The following PRKCH variants were observed in gnomAD, a reference collection of about 807,000 sequenced individuals.
The protein encoded by PRKCH is protein kinase C eta type.
Under a neutral mutation model 82.5 loss-of-function variants are expected in PRKCH, and 28 were observed. That is an observed-to-expected ratio of 0.34 (90% CI 0.25 to 0.47). The LOEUF (loss-of-function observed/expected upper bound fraction) is 0.47. Ranked by LOEUF, PRKCH falls within the 20% of genes least tolerant of loss-of-function variation. The pLI, the probability that PRKCH is intolerant of heterozygous loss-of-function variation, is 1.00. For missense variants in PRKCH, 705 were observed against 881.8 expected (o/e 0.80, Z 2.54); for synonymous variants, 322 against 327.4 (o/e 0.98, Z 0.18).
At chr14:61,413,179 C>T (rs1025188029) in intron 2 of PRKCH, among the ~76,000 whole-genome samples, 1 of 152,168 alleles carries the variant, frequency 6.6e-6, no homozygotes, top group Non-Finnish European at 1.5e-5. Context: ...GCTCCTGCTT[C>T]GCTCTTGCCC....
At chr14:61,229,969 A>T (rs2044728348) in intron 1 of PRKCH, among the ~76,000 whole-genome samples, 1 of 152,148 alleles carries the variant, frequency 6.6e-6, no homozygotes, top group African/African-American at 2.4e-5. Flanking sequence ...GTGGGATTTT[A>T]TTTTTGTAAG....
In PRKCH at chr14:61,321,989, C is replaced by T; in HGVS notation, c.-113C>T. On this transcript the variant is annotated 5_prime_UTR_variant, in exon 1 of 14. Coordinates refer to ENST00000332981, the MANE Select transcript of PRKCH (RefSeq NM_006255.5). This position sits in a 1 kb window ranked among gnomAD's most constrained non-coding sequence, Gnocchi z 4.1. ...GAGGGGCGCTTAGGCGCTGCCTTTC[C>T]CCAGGGCTGCCTCGACTCCTGCACC... 1 of 1,226,444 alleles carries T rather than the reference C, an allele frequency of 8.2e-7. No homozygotes were observed. The highest frequency in any genetic ancestry group is 1.6e-5 in the South Asian group (1 of 62,920). The allele number at this position is 1,226,444 out of a possible 1,614,324, so 76.0% of individuals were successfully genotyped here. A position where few individuals can be genotyped will look rare whatever the true frequency, so the allele number is the denominator to read the frequency against.
chr14:61,313,147 C>G (rs890867616), intron 1 of PRKCH, among the ~76,000 whole-genome samples: 1 of 152,062 alleles, frequency 6.6e-6, no homozygotes, highest in Non-Finnish European at 1.5e-5. Context: ...GCCATCAAGA[C>G]CTAGAGAAAA....
intron 1 of PRKCH, among the ~76,000 whole-genome samples, chr14:61,215,604 T>C (rs143749475): frequency 6.6e-6 from 1 of 152,220 alleles, no homozygotes; most frequent in Admixed American, 6.5e-5. Context: ...TCAATAAATA[T>C]TTATATTTAT....
At chr14:61,196,138 G>A (rs6573365) in intron 1 of PRKCH, among the ~76,000 whole-genome samples, 6,831 of 152,248 alleles carry the variant, frequency 0.045, 535 homozygotes, top group African/African-American at 0.15. Flanking sequence ...ATTAAAAAAA[G>A]ATGCTAAAGC....
chr14:61,493,353 C>T (rs1439249442), intron 10 of PRKCH, among the ~76,000 whole-genome samples: 2 of 152,192 alleles, frequency 1.3e-5, no homozygotes, highest in African/African-American at 4.8e-5. Context: ...TAGGAATCAT[C>T]TCTCTATTCC....
At chr14:61,304,169 T>C (rs2045467472) in intron 1 of PRKCH, 1 of 148,752 alleles carries the variant, frequency 6.7e-6, no homozygotes, top group Non-Finnish European at 1.5e-5. Context: ...TGTCCTTTTT[T>C]TCTTTCTCCA....
At chr14:61,349,352 G>C (rs545271571) in intron 1 of PRKCH, among the ~76,000 whole-genome samples, 4 of 152,186 alleles carry the variant, frequency 2.6e-5, no homozygotes, top group East Asian at 1.9e-4. Flanking sequence ...TCTTCCATCA[G>C]TCCTGTTGAG....
intron 2 of PRKCH, among the ~76,000 whole-genome samples, chr14:61,413,491 G>A (rs1243448328): frequency 1.4e-5 from 2 of 142,646 alleles, no homozygotes; most frequent in African/African-American, 2.6e-5. Flanking sequence ...TGCATCAGGT[G>A]TGAGTGACTT....
At chr14:61,365,537 A>G (rs2046287470) in intron 1 of PRKCH, among the ~76,000 whole-genome samples, 1 of 152,110 alleles carries the variant, frequency 6.6e-6, no homozygotes, top group Non-Finnish European at 1.5e-5. Flanking sequence ...AGAATGGATT[A>G]TTAGCAAGAA....
chr14:61,534,344 A>G (rs1453100451), intron 12 of PRKCH, among the ~76,000 whole-genome samples: 1 of 152,226 alleles, frequency 6.6e-6, no homozygotes, highest in Non-Finnish European at 1.5e-5. Flanking sequence ...TAGATAAGTA[A>G]GATGTGGTAC....
intron 10 of PRKCH, among the ~76,000 whole-genome samples, chr14:61,508,447 G>A (rs933099926): frequency 2.6e-5 from 4 of 152,096 alleles, no homozygotes; most frequent in Non-Finnish European, 5.9e-5. Context: ...GGGTGGCTTC[G>A]TTAACAGTAT....
At chr14:61,234,700 G>T (rs2044773298) in intron 1 of PRKCH, among the ~76,000 whole-genome samples, 1 of 152,226 alleles carries the variant, frequency 6.6e-6, no homozygotes. Flanking sequence ...CCAAATTCAT[G>T]CAATATCATC....
chr14:61,413,822 T>A (rs905221411), intron 2 of PRKCH, among the ~76,000 whole-genome samples: 3 of 152,158 alleles, frequency 2.0e-5, no homozygotes, highest in African/African-American at 7.2e-5. Context: ...CTACTTAAGC[T>A]CTCTGGCTTC....
At chr14:61,445,578 C>G (rs2140279627) in intron 3 of PRKCH, 114 bp from the exon 4 acceptor site, 1 of 930,442 alleles carries the variant, frequency 1.1e-6, no homozygotes, top group Middle Eastern at 2.2e-4. Flanking sequence ...TTGCTTCTTC[C>G]CTGAAATTGT....
At chr14:61,232,322 T>C (rs928273924) in intron 1 of PRKCH, among the ~76,000 whole-genome samples, 1 of 152,152 alleles carries the variant, frequency 6.6e-6, no homozygotes, top group Non-Finnish European at 1.5e-5. Context: ...GCCTCCTGAG[T>C]TCAAACAATT....
rs773675293 is a variant in PRKCH at position 61,535,567 on chromosome 14, G to A, written c.1761+4972G>A. Among the ~76,000 whole-genome samples, 31 of 152,094 alleles carry A rather than the reference G, an allele frequency of 2.0e-4. 1 individual carries two copies. Among genetic ancestry groups the A allele is most frequent in the Admixed American group, 1.2e-3 (18 of 15,280 alleles). On this transcript the variant is annotated intron_variant, in intron 12 of 13. Transcript: ENST00000332981. The stretch of plus-strand genomic sequence containing the variant: ...TTGGAGTGTGATGAGCAAAGGGGTG[G>A]GGCAGTGAGAGCTTCAGGTGAGGAG...
At chr14:61,240,669 C>T (rs1239824794) in intron 1 of PRKCH, among the ~76,000 whole-genome samples, 1 of 151,708 alleles carries the variant, frequency 6.6e-6, no homozygotes, top group Non-Finnish European at 1.5e-5. Context: ...CCCTTTCCAG[C>T]TGCCTAAAAA....
chr14:61,505,127 A>G (rs1887079296), intron 10 of PRKCH, among the ~76,000 whole-genome samples: 1 of 152,098 alleles, frequency 6.6e-6, no homozygotes, highest in Non-Finnish European at 1.5e-5. Flanking sequence ...CTCTCTCCCC[A>G]CTTCTTTCAT....
Sources: allele counts gnomAD v4.1 joint callset (sites outside exome capture counted in the v4.1 genomes callset), GRCh38; gene constraint gnomAD v4.1.1; non-coding constraint Gnocchi (gnomAD v3.1); transcripts MANE v1.5; gene names NCBI Gene and HGNC (gene_info 2026-07-23, HGNC 2026-07-21).